Variants in PCDHGB7 observed in about 807,000 individuals in gnomAD.
The protein encoded by PCDHGB7 is protocadherin gamma subfamily B, 7.
A neutral mutation model predicts 61.4 loss-of-function variants in PCDHGB7; 37 were observed. The ratio of observed to expected loss-of-function variants is 0.60; its 90% CI spans 0.46 to 0.79. PCDHGB7 has a LOEUF of 0.79. Ranked by LOEUF, PCDHGB7 falls within the 30% of genes least tolerant of loss-of-function variation. The pLI is 0.00. For missense variants in PCDHGB7, 1,166 were observed against 1,202.5 expected (o/e 0.97, Z 0.45); for synonymous variants, 464 against 503.5 (o/e 0.92, Z 1.05).
In PCDHGB7 at chr5:141,511,999, C is replaced by G. The variant is rs1049440139; in HGVS notation, c.*826C>G. ...GTGGATGGTGGGGGCATGGACAAAG[C>G]TTGACACATCAAGTTATCAAGGCCT... is the stretch of plus-strand genomic sequence containing the variant. On this transcript the variant is annotated 3_prime_UTR_variant, in exon 4 of 4. Coordinates refer to ENST00000398594, the MANE Select transcript of PCDHGB7 (RefSeq NM_018927.4). 6.5e-6 allele frequency: 1 copy of G among 153,016 alleles called. No individual in the cohort carries two copies. Among genetic ancestry groups the G allele is most frequent in the Non-Finnish European group, 1.5e-5 (1 of 68,392 alleles). The allele number at this position is 153,016 out of a possible 1,614,324, so 9.5% of individuals were successfully genotyped here. A position where few individuals can be genotyped will look rare whatever the true frequency, so the allele number is the denominator to read the frequency against.
chr5:141,498,053 G>A (rs2099781284), intron 2 of PCDHGB7, among the ~76,000 whole-genome samples: 1 of 152,204 alleles, frequency 6.6e-6, no homozygotes, highest in Non-Finnish European at 1.5e-5. Flanking sequence ...AAATAAATGT[G>A]AGACTGAAAC....
chr5:141,485,106 TGGCTGTTTGGGGCGGGTC>T lies in PCDHGB7; in HGVS notation c.2416-9696_2416-9679del. 1 of 1,206,448 alleles carries T rather than the reference TGGCTGTTTGGGGCGGGTC, an allele frequency of 8.3e-7. No homozygotes were observed. The highest frequency in any genetic ancestry group is 1.2e-6 in the Non-Finnish European group (1 of 828,284). 74.7% of individuals were successfully genotyped at this position (1,206,448 alleles called of 1,614,324 possible). Reference sequence around the variant, plus strand: ...GGGAGATAGGTGTCTCCAGCTGCTGTGGCTGTTTGGGGCGGGTCGGCTTCATCCGCGTCTCAGGAGCAA... The same window carrying T: ...GGGAGATAGGTGTCTCCAGCTGCTGTGGCTTCATCCGCGTCTCAGGAGCAA... On this transcript the variant is annotated intron_variant, in intron 1 of 3. Coordinates refer to ENST00000398594, the MANE Select transcript of PCDHGB7 (RefSeq NM_018927.4). This position sits in a 1 kb window ranked among gnomAD's most constrained non-coding sequence, Gnocchi z 5.7.
chr5:141,431,351 C>A lies in PCDHGB7; in HGVS notation c.2415+11077C>A. On this transcript the variant is annotated intron_variant, in intron 1 of 3. Coordinates refer to ENST00000398594, the MANE Select transcript of PCDHGB7 (RefSeq NM_018927.4). The surrounding 1 kb of genome is among the most constrained non-coding windows in gnomAD (Gnocchi z 4.8). ...TAAGTACCCCGAATTGGTGCTGAAA[C>A]GCGCCCTGGACCGCGAAGAAAAGGC... The A allele has an allele frequency of 6.2e-7, 1 of 1,614,064 alleles. No individual in the cohort carries two copies. The highest frequency in any genetic ancestry group is 8.5e-7 in the Non-Finnish European group (1 of 1,180,042).
In PCDHGB7 at chr5:141,433,401, A is replaced by ATCTC. The variant is rs1554126038; in HGVS notation, c.2415+13130_2415+13131insCTCT. On this transcript the variant is annotated intron_variant, in intron 1 of 3. Transcript: ENST00000398594. ...TATCTATCTATCTATCTATCTATCT[A>ATCTC]TCTATTACTTTCTTGTACAGACAGG... Among the ~76,000 whole-genome samples, 677 of 150,598 alleles carry ATCTC rather than the reference A, an allele frequency of 4.5e-3. 6 individuals are homozygous for ATCTC. Among genetic ancestry groups the ATCTC allele is most frequent in the African/African-American group, 0.015 (630 of 40,958 alleles).
intron 3 of PCDHGB7, among the ~76,000 whole-genome samples, chr5:141,506,298 A>C (rs887906455): frequency 6.6e-6 from 1 of 151,936 alleles, no homozygotes; most frequent in Non-Finnish European, 1.5e-5. Context: ...AAAATACAAA[A>C]ATTAGCTGGG....
In PCDHGB7 at chr5:141,432,357, T is replaced by C. The variant is rs778669079; in HGVS notation, c.2415+12083T>C. 6.2e-7 allele frequency: 1 copy of C among 1,614,244 alleles called. No homozygotes were observed. Among genetic ancestry groups the C allele is most frequent in the African/African-American group, 1.3e-5 (1 of 75,072 alleles). The stretch of plus-strand genomic sequence containing the variant: ...TTCCGAGACTTGCAAGTGAAAGTGA[T>C]GGCGCGGGACAACGGGCACCCGCCC... On this transcript the variant is annotated intron_variant, in intron 1 of 3. Coordinates refer to ENST00000398594, the MANE Select transcript of PCDHGB7 (RefSeq NM_018927.4). This position sits in a 1 kb window ranked among gnomAD's most constrained non-coding sequence, Gnocchi z 6.0.
chr5:141,482,071 A>G (rs2099551527), intron 1 of PCDHGB7, among the ~76,000 whole-genome samples: 1 of 145,394 alleles, frequency 6.9e-6, no homozygotes, highest in Non-Finnish European at 1.5e-5. Flanking sequence ...GGCAACAAGA[A>G]CAAAACTCAC....
Position 141,487,870 on chromosome 5 carries a change from C to A in PCDHGB7, c.2416-6937C>A. On this transcript the variant is annotated intron_variant, in intron 1 of 3. Transcript: ENST00000398594. This position sits in a 1 kb window ranked among gnomAD's most constrained non-coding sequence, Gnocchi z 5.0. ...AATGAAAGTAATTGGTGATCAAGAGCCAGGCTGTTGTGGAAGCATGATGAT... is the reference window on the plus strand; with the variant it reads ...AATGAAAGTAATTGGTGATCAAGAGACAGGCTGTTGTGGAAGCATGATGAT... 3.5e-6 allele frequency: 3 copies of A among 865,052 alleles called. No individual in the cohort carries two copies. The highest frequency in any genetic ancestry group is 5.3e-6 in the Non-Finnish European group (3 of 568,628). The allele number at this position is 865,052 out of a possible 1,614,324, so 53.6% of individuals were successfully genotyped here.
At chr5:141,508,123 G>A (rs989767852) in intron 3 of PCDHGB7, 1 of 152,616 alleles carries the variant, frequency 6.6e-6, no homozygotes, top group Non-Finnish European at 1.5e-5. Context: ...GAGGACAGAG[G>A]GAGGTCAGGG....
rs761731200 is a variant in PCDHGB7, at chr5:141,477,252, T to C, written c.2416-17555T>C. The C allele has an allele frequency of 1.2e-6, 2 of 1,614,182 alleles. No homozygotes were observed. The highest frequency in any genetic ancestry group is 8.5e-7 in the Non-Finnish European group (1 of 1,180,034). ...ATCGCTTTGCTCAGTGTGACTGACCTGGATGCTGGCGAGAACGGGCTGGTG... is the reference window on the plus strand; with the variant it reads ...ATCGCTTTGCTCAGTGTGACTGACCCGGATGCTGGCGAGAACGGGCTGGTG... On this transcript the variant is annotated intron_variant, in intron 1 of 3. Transcript: ENST00000398594. The surrounding 1 kb of genome is among the most constrained non-coding windows in gnomAD (Gnocchi z 4.9).
At chr5:141,458,513 G>GT (rs537551567) in intron 1 of PCDHGB7, among the ~76,000 whole-genome samples, 9,886 of 146,106 alleles carry the variant, frequency 0.068, 671 homozygotes, top group African/African-American at 0.18. Flanking sequence ...TTGACACTTT[G>GT]TTTTTTTTTT....
Position 141,418,005 on chromosome 5 carries a change from A to G in PCDHGB7, c.146A>G (p.Asn49Ser). The change falls in exon 1 of 4, where the codon AAC (asparagine) becomes AGC (serine). Residue 49 changes from asparagine to serine, a missense_variant. By Grantham distance (46) the Asn-to-Ser change is conservative. Coordinates refer to ENST00000398594, the MANE Select transcript of PCDHGB7 (RefSeq NM_018927.4). Reference sequence around the variant, plus strand: ...CTGGCCAAGGGCTCGGTGGTGGGGAACCTCGCTAAGGATCTAGGGCTTAGT... The same window carrying G: ...CTGGCCAAGGGCTCGGTGGTGGGGAGCCTCGCTAAGGATCTAGGGCTTAGT... The part of the protein sequence containing the change: ...EELAKGSVVG[N>S]LAKDLGLSVL... The G allele has an allele frequency of 6.2e-7, 1 of 1,613,764 alleles. No individual in the cohort carries two copies.
At chr5:141,483,186 A>G (rs2099578047) in intron 1 of PCDHGB7, among the ~76,000 whole-genome samples, 1 of 152,174 alleles carries the variant, frequency 6.6e-6, no homozygotes, top group Non-Finnish European at 1.5e-5. Flanking sequence ...CAAGCCAAGG[A>G]GTTTTTATTT....
In PCDHGB7 at chr5:141,418,814, A is replaced by G. The variant is rs2096290321; in HGVS notation, c.955A>G (p.Ile319Val). ...AGAAGTAGAAAGATATACGATAAACATAGAAGCAAAAGACCGAGGATCTCT... is the reference window on the plus strand; with the variant it reads ...AGAAGTAGAAAGATATACGATAAACGTAGAAGCAAAAGACCGAGGATCTCT... ...FEEVERYTIN[I>V]EAKDRGSLST... The change falls in exon 1 of 4, where the codon ATA (isoleucine) becomes GTA (valine). Residue 319 changes from isoleucine (I) to valine (V), a missense_variant. Ile to Val is a conservative substitution (Grantham distance 29, BLOSUM62 3). Transcript: ENST00000398594. The G allele has an allele frequency of 6.2e-7, 1 of 1,613,962 alleles. No individual in the cohort carries two copies.
At position 141,476,786 on chromosome 5, in the gene PCDHGB7, C is replaced by G. The variant is rs2099398607; in HGVS notation, c.2416-18021C>G. 3.1e-6 allele frequency: 5 copies of G among 1,613,444 alleles called. No individual in the cohort carries two copies. The highest frequency in any genetic ancestry group is 1.7e-5 in the Admixed American group (1 of 60,000). ...GGCGTTGGACGGAGGGACCCCAGCTCTCTCCGCCAGCCTGCCTATTCACAT... is the reference window on the plus strand; with the variant it reads ...GGCGTTGGACGGAGGGACCCCAGCTGTCTCCGCCAGCCTGCCTATTCACAT... On this transcript the variant is annotated intron_variant, in intron 1 of 3. Coordinates refer to ENST00000398594, the MANE Select transcript of PCDHGB7 (RefSeq NM_018927.4). The surrounding 1 kb of genome is among the most constrained non-coding windows in gnomAD (Gnocchi z 7.6).
rs1591337394 is a variant in PCDHGB7, at chr5:141,434,573, C to A, written c.2415+14299C>A. 2.0e-5 allele frequency among the ~76,000 whole-genome samples: 3 copies of A among 152,336 alleles called. No individual in the cohort carries two copies. The South Asian group carries it at 6.2e-4, about 32-fold the overall frequency. On this transcript the variant is annotated intron_variant, in intron 1 of 3. Transcript: ENST00000398594. The stretch of plus-strand genomic sequence containing the variant: ...TCTGTGCCTTAAGGACATGCCCCTG[C>A]TGCAGATAACTACCTCAATCCATCC...
At position 141,432,297 on chromosome 5, in the gene PCDHGB7, T is replaced by C. The variant is rs1339659774; in HGVS notation, c.2415+12023T>C. 3.1e-6 allele frequency: 5 copies of C among 1,614,040 alleles called. No individual in the cohort carries two copies. The highest frequency in any genetic ancestry group is 1.7e-5 in the Admixed American group (1 of 60,006). ...GTGTCCATCAACTCCGACACTGGGG[T>C]ACTGTATGCGCTGAGCTCCTTCGAC... On this transcript the variant is annotated intron_variant, in intron 1 of 3. Transcript: ENST00000398594. This position sits in a 1 kb window ranked among gnomAD's most constrained non-coding sequence, Gnocchi z 6.0.
chr5:141,476,979 G>A lies in PCDHGB7; in HGVS notation c.2416-17828G>A, dbSNP rs772801536. On this transcript the variant is annotated intron_variant, in intron 1 of 3. Coordinates refer to ENST00000398594, the MANE Select transcript of PCDHGB7 (RefSeq NM_018927.4). The surrounding 1 kb of genome is among the most constrained non-coding windows in gnomAD (Gnocchi z 7.6). ...ATTTACTCCTTCGGCAGCCACAACC[G>A]CGCCGGCGTGCGGCAACTATTCGCC... The A allele has an allele frequency of 1.9e-6, 3 of 1,614,238 alleles. No homozygotes were observed. The South Asian group carries it at 3.3e-5, about 18-fold the overall frequency.
intron 1 of PCDHGB7, chr5:141,441,872 G>T: frequency 2.9e-6 from 1 of 341,646 alleles, no homozygotes. Flanking sequence ...GCGGAGCCTG[G>T]CTACCTGGTC....
Sources: gnomAD v4.1 joint callset for allele counts (sites outside exome capture counted in the v4.1 genomes callset) on GRCh38, gnomAD v4.1.1 for gene constraint, Gnocchi (gnomAD v3.1) non-coding constraint, MANE v1.5 for transcripts, NCBI Gene and HGNC (gene_info 2026-07-23, HGNC 2026-07-21) for gene names.